The following ZNF808 variants were observed in gnomAD, a reference collection of about 807,000 sequenced individuals.
ZNF808 encodes the protein zinc finger protein 808.
Under a neutral mutation model 8.7 loss-of-function variants are expected in ZNF808, and 5 were observed. That is an observed-to-expected ratio of 0.58 (90% CI 0.30 to 1.21). The LOEUF (loss-of-function observed/expected upper bound fraction) is 1.21, where lower values mean the gene tolerates loss of function less well. Among genes scored for constraint, ZNF808 ranks in the 50% most tolerant of loss-of-function variants. The pLI, the probability that ZNF808 is intolerant of heterozygous loss-of-function variation, is 0.07. For missense variants in ZNF808, 1,103 were observed against 1,098.4 expected (o/e 1.00, Z -0.06); for synonymous variants, 380 against 366.0 (o/e 1.04, Z -0.44).
intron 3 of ZNF808, among the ~76,000 whole-genome samples, chr19:52,546,418 C>T (rs2059720665): frequency 6.6e-6 from 1 of 152,080 alleles, no homozygotes; most frequent in South Asian, 2.1e-4. Flanking sequence ...AACTCCTGAC[C>T]TCATGATCCA....
At position 52,551,291 on chromosome 19, in the gene ZNF808, G is replaced by A. The variant is rs1041602084; in HGVS notation, c.191-1816G>A. 1.5e-3 allele frequency among the ~76,000 whole-genome samples: 231 copies of A among 151,756 alleles called. 4 individuals carry two copies. The highest frequency in any genetic ancestry group is 3.5e-4 in the Non-Finnish European group (24 of 67,986). ...CACTTGAACCTGGGAGGTGGATGGTGCAGTGAACCATGATCATGCCACTGC... is the reference window on the plus strand; with the variant it reads ...CACTTGAACCTGGGAGGTGGATGGTACAGTGAACCATGATCATGCCACTGC... On this transcript the variant is annotated intron_variant, in intron 4 of 4. Coordinates refer to ENST00000359798, the MANE Select transcript of ZNF808 (RefSeq NM_001039886.4).
chr19:52,556,638 CTATTTTT>C (rs2059838062), downstream of ZNF808: 1 of 151,844 alleles, frequency 6.6e-6, no homozygotes, highest in South Asian at 2.1e-4. Flanking sequence ...TTCTTATTTT[CTATTTTT>C]TATTTTTTTG....
chr19:52,555,090 A>C lies in ZNF808; in HGVS notation c.2174A>C (p.His725Pro). The change falls in exon 5 of 5, where the codon CAT becomes CCT. Residue 725 changes from histidine to proline, a missense_variant. Transcript: ENST00000359798. ...AGTAACAGGTCATCCCTTGTATGCC[A>C]TCGTAGAATTCATAGTGGTGAGAAA... ...TFSNRSSLVC[H>P]RRIHSGEKPY... 1 of 1,614,200 alleles carries C rather than the reference A, an allele frequency of 6.2e-7. No individual in the cohort carries two copies. Among genetic ancestry groups the C allele is most frequent in the Non-Finnish European group, 8.5e-7 (1 of 1,180,034 alleles).
chr19:52,558,298 G>A (rs983110517), downstream of ZNF808, among the ~76,000 whole-genome samples: 3 of 151,608 alleles, frequency 2.0e-5, no homozygotes, highest in Admixed American at 1.3e-4. Context: ...TCCTGACCTC[G>A]TGATCCGCCT....
chr19:52,551,810 C>A (rs2059779589), intron 4 of ZNF808, among the ~76,000 whole-genome samples: 1 of 151,782 alleles, frequency 6.6e-6, no homozygotes, highest in Non-Finnish European at 1.5e-5. Flanking sequence ...TGAGACCAGC[C>A]TGGCCAACAT....
chr19:52,550,485 C>T (rs2059766062), intron 4 of ZNF808, among the ~76,000 whole-genome samples: 1 of 151,912 alleles, frequency 6.6e-6, no homozygotes, highest in Non-Finnish European at 1.5e-5. Context: ...CTACCTCAGC[C>T]TCCCAAAGTG....
chr19:52,554,862 AAAC>A lies in ZNF808; in HGVS notation c.1947_1949del (p.Lys649_Thr650delinsAsn). 2 of 1,614,228 alleles carry A rather than the reference AAAC, an allele frequency of 1.2e-6. No individual in the cohort carries two copies. Among genetic ancestry groups the A allele is most frequent in the South Asian group, 2.2e-5 (2 of 91,088 alleles). On this transcript the variant is annotated inframe_deletion, in exon 5 of 5. Transcript: ENST00000359798. ...CATACAAGAATTCACACTGGAGAAA[AAAC>A]TTACAAGTGTAATGAGTGTGGGAAG...
chr19:52,559,457 C>T (rs1392761520), downstream of ZNF808, among the ~76,000 whole-genome samples: 3 of 152,118 alleles, frequency 2.0e-5, no homozygotes, highest in Non-Finnish European at 2.9e-5. Context: ...TCCCCCTCTC[C>T]GAGATGGTAG....
chr19:52,534,268 A>G (rs1379892771), intron 2 of ZNF808, among the ~76,000 whole-genome samples: 1 of 152,168 alleles, frequency 6.6e-6, no homozygotes, highest in Non-Finnish European at 1.5e-5. Context: ...TTGTTAGCTG[A>G]CAGAGATGGT....
chr19:52,542,963 G>C (rs1003688001), intron 2 of ZNF808, among the ~76,000 whole-genome samples: 18 of 151,350 alleles, frequency 1.2e-4, no homozygotes, highest in Admixed American at 6.6e-5. Context: ...TTTTTTGGGG[G>C]GGGGGTGGAG....
intron 2 of ZNF808, among the ~76,000 whole-genome samples, chr19:52,534,343 C>T (rs1051304244): frequency 3.3e-5 from 5 of 152,140 alleles, no homozygotes; most frequent in African/African-American, 1.2e-4. Flanking sequence ...AAGTCCTCTT[C>T]CCTGAGGACT....
intron 4 of ZNF808, among the ~76,000 whole-genome samples, chr19:52,551,261 A>G (rs2059773814): frequency 6.6e-6 from 1 of 151,964 alleles, no homozygotes; most frequent in African/African-American, 2.4e-5. Flanking sequence ...CTGAGACAGG[A>G]GAGTCACTTG....
intron 2 of ZNF808, among the ~76,000 whole-genome samples, chr19:52,537,458 A>AGAG (rs1466053152): frequency 3.3e-5 from 5 of 152,176 alleles, no homozygotes; most frequent in African/African-American, 1.2e-4. Context: ...AGACTGAGGC[A>AGAG]GAGGGATTGC....
chr19:52,556,988 T>C (rs79094676), downstream of ZNF808, among the ~76,000 whole-genome samples: 3 of 152,148 alleles, frequency 2.0e-5, no homozygotes, highest in Non-Finnish European at 4.4e-5. Flanking sequence ...GTTTGTTTTT[T>C]TTTAAATGGA....
rs1372612244 is a variant in ZNF808, at chr19:52,554,439, A to G, written c.1523A>G (p.Glu508Gly). The stretch of plus-strand genomic sequence containing the variant: ...TGCCATCGTAGACTTCATAGTGGTG[A>G]AAAACCTTACAAGTGTAATCAGTGT... The part of the protein sequence containing the change: ...LLCHRRLHSG[E>G]KPYKCNQCGN... The change falls in exon 5 of 5, where the codon GAA becomes GGA. Residue 508 changes from glutamate (E) to glycine (G), a missense_variant. Transcript: ENST00000359798. 6.2e-7 allele frequency: 1 copy of G among 1,614,182 alleles called. No homozygotes were observed. Among genetic ancestry groups the G allele is most frequent in the African/African-American group, 1.3e-5 (1 of 75,056 alleles).
intron 2 of ZNF808, among the ~76,000 whole-genome samples, chr19:52,539,021 T>G (rs1439210683): frequency 6.6e-6 from 1 of 152,026 alleles, no homozygotes; most frequent in Non-Finnish European, 1.5e-5. Flanking sequence ...TCGTTGTGGA[T>G]CACCCTCTTC....
At chr19:52,529,398 C>T (rs1159540647) in intron 1 of ZNF808, among the ~76,000 whole-genome samples, 4 of 151,826 alleles carry the variant, frequency 2.6e-5, no homozygotes, top group Non-Finnish European at 2.9e-5. Context: ...AAAAATGGGG[C>T]GAGAGACTGG....
At chr19:52,534,861 C>T (rs1363668287) in intron 2 of ZNF808, among the ~76,000 whole-genome samples, 1 of 151,936 alleles carries the variant, frequency 6.6e-6, no homozygotes, top group Non-Finnish European at 1.5e-5. Context: ...TGCACCCCAG[C>T]ATGGGCCACA....
intron 3 of ZNF808, among the ~76,000 whole-genome samples, chr19:52,544,915 C>A (rs1484956985): frequency 6.6e-6 from 1 of 152,180 alleles, no homozygotes; most frequent in Admixed American, 6.6e-5. Context: ...TCCTGAGTAT[C>A]TGGGATTACA....
Sources: allele counts gnomAD v4.1 joint callset (sites outside exome capture counted in the v4.1 genomes callset), GRCh38; gene constraint gnomAD v4.1.1; transcripts MANE v1.5; gene names NCBI Gene and HGNC (gene_info 2026-07-23, HGNC 2026-07-21).